Variants in MCC observed in about 807,000 individuals in gnomAD.
MCC encodes colorectal mutant cancer protein.
Under a neutral mutation model 116.2 loss-of-function variants are expected in MCC, and 90 were observed. That is an observed-to-expected ratio of 0.77 (90% CI 0.65 to 0.92). MCC has a LOEUF of 0.92. Ranked by LOEUF, MCC falls within the 40% of genes least tolerant of loss-of-function variation. The pLI, the probability that MCC is intolerant of heterozygous loss-of-function variation, is 0.00. For missense variants in MCC, 1,516 were observed against 1,312.2 expected, an observed-to-expected ratio of 1.16 and a Z score of -2.40; for synonymous variants, 578 against 510.5, an observed-to-expected ratio of 1.13 and a Z score of -1.78.
intron 3 of MCC, among the ~76,000 whole-genome samples, chr5:113,319,460 C>T (rs1265671620): frequency 6.6e-6 from 1 of 152,142 alleles, no homozygotes; most frequent in Non-Finnish European, 1.5e-5. Flanking sequence ...TGGTGTGCCA[C>T]CTGTATTCAC....
intron 1 of MCC, among the ~76,000 whole-genome samples, chr5:113,454,759 C>A (rs1771498023): frequency 1.3e-5 from 2 of 152,080 alleles, no homozygotes; most frequent in South Asian, 4.1e-4. Context: ...AGGGGAAAAT[C>A]AATGAATACA....
intron 3 of MCC, among the ~76,000 whole-genome samples, chr5:113,152,008 C>T (rs1365921301): frequency 6.6e-6 from 1 of 152,114 alleles, no homozygotes; most frequent in Non-Finnish European, 1.5e-5. Context: ...CCCCACTTCC[C>T]CCGAAAGGCT....
At chr5:113,229,466 TTAGC>T (rs1400296639) in intron 3 of MCC, among the ~76,000 whole-genome samples, 1 of 152,072 alleles carries the variant, frequency 6.6e-6, no homozygotes, top group African/African-American at 2.4e-5. Context: ...ATGGAGGAGG[TTAGC>T]TTAAAAAGAA....
rs561730168 is a variant in MCC, at chr5:113,279,429, C to T, written c.627+61090G>A. Among the ~76,000 whole-genome samples the T allele has an allele frequency of 2.0e-5, 3 of 147,022 alleles. No homozygotes were observed. The South Asian group carries it at 6.3e-4, about 31-fold the overall frequency. On this transcript the variant is annotated intron_variant, in intron 3 of 18. Coordinates refer to ENST00000408903, the MANE Select transcript of MCC (RefSeq NM_001085377.2). ...CTATATAGTAATCTATGAACACTGA[C>T]ATTAAAAAAAAATTAGTAAAATGAA... is the stretch of plus-strand genomic sequence containing the variant.
intron 15 of MCC, 90 bp from the exon 16 acceptor site, chr5:113,049,389 G>C: frequency 9.2e-7 from 1 of 1,091,208 alleles, no homozygotes; most frequent in Non-Finnish European, 1.3e-6. Context: ...GGGGTCCCCG[G>C]CTATGACCCA....
chr5:113,036,735 C>A (rs750683373), intron 17 of MCC, among the ~76,000 whole-genome samples: 1 of 152,174 alleles, frequency 6.6e-6, no homozygotes, highest in Non-Finnish European at 1.5e-5. Context: ...TTATGAGGTC[C>A]CAGGCAAGGC....
At chr5:113,118,946 C>G (rs927692745) in intron 6 of MCC, among the ~76,000 whole-genome samples, 1 of 152,162 alleles carries the variant, frequency 6.6e-6, no homozygotes, top group Non-Finnish European at 1.5e-5. Flanking sequence ...ACTCAGTTCC[C>G]AGATTCCTGC....
chr5:113,459,133 A>ATATGTGTGTGTG (rs1554085317), intron 1 of MCC, among the ~76,000 whole-genome samples: 2 of 68,306 alleles, frequency 2.9e-5, no homozygotes, highest in African/African-American at 1.2e-4. Flanking sequence ...GAGTAAGGAT[A>ATATGTGTGTGTG]TGTGTGTGTG....
chr5:113,478,229 C>G (rs181740028), intron 1 of MCC, among the ~76,000 whole-genome samples: 2 of 152,284 alleles, frequency 1.3e-5, no homozygotes, highest in Non-Finnish European at 2.9e-5. Context: ...CACAATCTGA[C>G]AGACACTTTA....
intron 5 of MCC, among the ~76,000 whole-genome samples, chr5:113,132,181 T>A (rs1395893296): frequency 6.6e-6 from 1 of 151,658 alleles, no homozygotes; most frequent in East Asian, 1.9e-4. Flanking sequence ...TCAATTTCCT[T>A]AAAATTTTAA....
intron 1 of MCC, among the ~76,000 whole-genome samples, chr5:113,461,383 A>C (rs1366911873): frequency 6.6e-6 from 1 of 152,254 alleles, no homozygotes; most frequent in Non-Finnish European, 1.5e-5. Flanking sequence ...GAGGAAACCA[A>C]GGCATGAAAG....
intron 16 of MCC, among the ~76,000 whole-genome samples, chr5:113,047,418 T>C (rs1286891420): frequency 6.6e-6 from 1 of 152,238 alleles, no homozygotes; most frequent in Non-Finnish European, 1.5e-5. Flanking sequence ...GTGCCACAGC[T>C]GTGTCTTGTC....
In MCC at chr5:113,095,836, C is replaced by A. The variant is rs550620727; in HGVS notation, c.1398+5903G>T. 6.6e-5 allele frequency among the ~76,000 whole-genome samples: 10 copies of A among 152,158 alleles called. No individual in the cohort carries two copies. The South Asian group carries it at 2.1e-3, about 32-fold the overall frequency. ...TCTAGTCTGAGAGGAGTTCAGTCTG[C>A]AAATATTCACAGAATGTCAATACTA... On this transcript the variant is annotated intron_variant, in intron 8 of 18. Coordinates refer to ENST00000408903, the MANE Select transcript of MCC (RefSeq NM_001085377.2).
At chr5:113,341,758 A>G (rs894667343) in intron 2 of MCC, among the ~76,000 whole-genome samples, 28 of 152,190 alleles carry the variant, frequency 1.8e-4, no homozygotes, top group Admixed American at 1.5e-3. Flanking sequence ...GGATTCCAGA[A>G]TCATCACTTG....
At chr5:113,294,616 C>T (rs1766650283) in intron 3 of MCC, 1 of 1,158,546 alleles carries the variant, frequency 8.6e-7, no homozygotes, top group Non-Finnish European at 1.1e-6. Flanking sequence ...CTCGGTGGCG[C>T]GGCGCGCTCG....
chr5:113,133,197 T>C (rs1221326957), intron 5 of MCC, among the ~76,000 whole-genome samples: 2 of 152,156 alleles, frequency 1.3e-5, no homozygotes, highest in Admixed American at 1.3e-4. Flanking sequence ...TAAAATATTA[T>C]AGTCACTCTA....
chr5:113,053,432 ACAGAGGCTCCACCCTG>A (rs1752612422), intron 15 of MCC, among the ~76,000 whole-genome samples: 1 of 152,198 alleles, frequency 6.6e-6, no homozygotes, highest in African/African-American at 2.4e-5. Context: ...ATTTAGATGG[ACAGAGGCTCCACCCTG>A]CAGAGGTCTG....
chr5:113,047,769 T>TA (rs1752191949), intron 16 of MCC, among the ~76,000 whole-genome samples: 1 of 151,950 alleles, frequency 6.6e-6, no homozygotes, highest in South Asian at 2.1e-4. Flanking sequence ...TCCACAGTTG[T>TA]TTTTTTCCCA....
chr5:113,395,193 GAA>G (rs1401739666), intron 1 of MCC, among the ~76,000 whole-genome samples: 1 of 152,142 alleles, frequency 6.6e-6, no homozygotes, highest in African/African-American at 2.4e-5. Context: ...TAAAAGAGGT[GAA>G]AAGAGAACCT....
Sources: allele counts gnomAD v4.1 joint callset (sites outside exome capture counted in the v4.1 genomes callset), GRCh38; gene constraint gnomAD v4.1.1; transcripts MANE v1.5; gene names NCBI Gene and HGNC (gene_info 2026-07-23, HGNC 2026-07-21).